Variants in RANBP3 observed in about 807,000 individuals in gnomAD.
The protein encoded by RANBP3 is RAN binding protein 3.
RANBP3 carries 14 observed loss-of-function variants against 77.3 expected under a neutral mutation model. That is an observed-to-expected ratio of 0.18 (90% CI 0.12 to 0.28). The LOEUF (loss-of-function observed/expected upper bound fraction) is 0.28, where lower values mean the gene tolerates loss of function less well. Ranked by LOEUF, RANBP3 falls within the 10% of genes least tolerant of loss-of-function variation. RANBP3 has a pLI of 1.00. For synonymous variants in RANBP3, 315 were observed against 312.4 expected, an observed-to-expected ratio of 1.01 and a Z score of -0.09; for missense variants, 586 against 752.3, an observed-to-expected ratio of 0.78 and a Z score of 2.59.
chr19:5,917,265 G>A lies in RANBP3; in HGVS notation c.*345C>T, dbSNP rs1779862883. The A allele has an allele frequency of 2.7e-6, 1 of 376,236 alleles. No homozygotes were observed. Among genetic ancestry groups the A allele is most frequent in the Non-Finnish European group, 4.9e-6 (1 of 202,662 alleles). The allele number at this position is 376,236 out of a possible 1,614,324, so 23.3% of individuals were successfully genotyped here. A position where few individuals can be genotyped will look rare whatever the true frequency, so the allele number is the denominator to read the frequency against. On this transcript the variant is annotated 3_prime_UTR_variant, in exon 17 of 17. Transcript: ENST00000340578. Reference sequence around the variant, plus strand: ...GGTGGCGGAGAAGCCAGGGGCTCTGGCTGGACCCAGAGGCTGGCGACACGC... The same window carrying A: ...GGTGGCGGAGAAGCCAGGGGCTCTGACTGGACCCAGAGGCTGGCGACACGC...
chr19:5,943,152 C>T (rs531400203), intron 3 of RANBP3, among the ~76,000 whole-genome samples: 12 of 152,312 alleles, frequency 7.9e-5, no homozygotes, highest in African/African-American at 2.2e-4. Context: ...CTCCTCCTGG[C>T]GCGCTCCCTG....
At chr19:5,949,230 A>G (rs1361825821) in intron 3 of RANBP3, among the ~76,000 whole-genome samples, 1 of 152,250 alleles carries the variant, frequency 6.6e-6, no homozygotes, top group Non-Finnish European at 1.5e-5. Flanking sequence ...CTTCTGATGC[A>G]AACGAAAACG....
At chr19:5,970,998 G>C (rs2058523611) in intron 1 of RANBP3, among the ~76,000 whole-genome samples, 1 of 152,170 alleles carries the variant, frequency 6.6e-6, no homozygotes, top group Non-Finnish European at 1.5e-5. Context: ...TGGCAAGGCA[G>C]CGGAGAAACC....
Position 5,925,014 on chromosome 19 carries a change from C to T in RANBP3, c.918-109G>A. 1.2e-5 allele frequency: 12 copies of T among 976,194 alleles called. No homozygotes were observed. The South Asian group carries it at 1.6e-4, about 13-fold the overall frequency. 60.5% of individuals were successfully genotyped at this position (976,194 alleles called of 1,614,324 possible). ...TGACACAGAGGGCACAGTGGAGGGG[C>T]CTCCGCCACTGTGCACGGGGTGGCG... On this transcript the variant is annotated intron_variant, in intron 10 of 16. Coordinates refer to ENST00000340578, the MANE Select transcript of RANBP3 (RefSeq NM_007322.3).
In RANBP3 at chr19:5,963,625, A is replaced by G. The variant is rs113862973; in HGVS notation, c.23-5652T>C. On this transcript the variant is annotated intron_variant, in intron 1 of 16. Transcript: ENST00000340578. ...GTTATTTGACTAGGGAGTCCCCCCC[A>G]TTTCCAGGGACATCCACAATGAGGC... Among the ~76,000 whole-genome samples the G allele has an allele frequency of 2.0e-3, 311 of 152,286 alleles. 2 individuals are homozygous for G. The highest frequency in any genetic ancestry group is 7.1e-3 in the African/African-American group (296 of 41,558).
intron 2 of RANBP3, 113 bp from the exon 3 acceptor site, chr19:5,951,709 C>A: frequency 1.0e-6 from 1 of 964,920 alleles, no homozygotes; most frequent in South Asian, 1.4e-5. Flanking sequence ...GCAGCTCCTG[C>A]GCCTGGGAGG....
rs776434574 is a variant in RANBP3 at position 5,928,585 on chromosome 19, G to GGT, written c.694-500_694-499dup. ...AAAGCCAATCCAGTCCCGTGTGTGT[G>GGT]GTGTGTGTGTGTGTGTATGTGTGGT... On this transcript the variant is annotated intron_variant, in intron 8 of 16. Transcript: ENST00000340578. 143 of 151,804 alleles carry GGT rather than the reference G, an allele frequency of 9.4e-4. 1 individual carries two copies. In the East Asian group the frequency reaches 0.014, roughly 15 times the overall value. The allele number at this position is 151,804 out of a possible 1,614,324, so 9.4% of individuals were successfully genotyped here.
intron 3 of RANBP3, chr19:5,950,520 G>A (rs1335320139): frequency 6.6e-6 from 1 of 152,370 alleles, no homozygotes; most frequent in Non-Finnish European, 1.5e-5. Context: ...ACTGTTGTGT[G>A]CTAGAAAGAA....
chr19:5,975,185 A>AAT (rs2058575681), intron 1 of RANBP3, among the ~76,000 whole-genome samples: 1 of 152,208 alleles, frequency 6.6e-6, no homozygotes, highest in Non-Finnish European at 1.5e-5. Context: ...AGAAACACAC[A>AAT]ATGACTGATT....
chr19:5,957,276 C>G (rs1222348490), intron 2 of RANBP3, among the ~76,000 whole-genome samples: 3 of 152,206 alleles, frequency 2.0e-5, no homozygotes, highest in Non-Finnish European at 4.4e-5. Flanking sequence ...TATCACAGAA[C>G]CCTGTTGCCA....
intron 3 of RANBP3, among the ~76,000 whole-genome samples, chr19:5,943,822 T>C (rs1252936477): frequency 2.0e-5 from 3 of 152,236 alleles, no homozygotes; most frequent in Non-Finnish European, 4.4e-5. Flanking sequence ...CAGTGGGTTC[T>C]ATTAGTCACT....
chr19:5,977,677 G>A (rs2058612098), intron 1 of RANBP3, among the ~76,000 whole-genome samples: 1 of 152,200 alleles, frequency 6.6e-6, no homozygotes, highest in South Asian at 2.1e-4. Flanking sequence ...GGGCGGGGAG[G>A]GAGCGTGGCG....
rs147453114 is a variant in RANBP3 at position 5,927,459 on chromosome 19, G to A, written c.813+509C>T. 2.0e-5 allele frequency among the ~76,000 whole-genome samples: 3 copies of A among 152,368 alleles called. No individual in the cohort carries two copies. The East Asian group carries it at 5.8e-4, about 29-fold the overall frequency. On this transcript the variant is annotated intron_variant, in intron 9 of 16. Transcript: ENST00000340578. The stretch of plus-strand genomic sequence containing the variant: ...ACTGGCCACGTCTGGGGACATTTGT[G>A]GTTGTCAGATGTCAGGAGCATTGGG...
intron 3 of RANBP3, among the ~76,000 whole-genome samples, chr19:5,947,325 A>AG (rs917873798): frequency 2.6e-5 from 4 of 151,530 alleles, no homozygotes; most frequent in Non-Finnish European, 5.9e-5. Context: ...AAAAAAAAAA[A>AG]AAAGAAAGAA....
intron 3 of RANBP3, among the ~76,000 whole-genome samples, chr19:5,949,187 A>G (rs575795431): frequency 5.3e-5 from 8 of 152,200 alleles, no homozygotes; most frequent in Non-Finnish European, 1.2e-4. Flanking sequence ...GGTTTCCTGA[A>G]CACCAGTGTG....
intron 8 of RANBP3, among the ~76,000 whole-genome samples, chr19:5,930,568 T>A (rs1342448565): frequency 6.6e-6 from 1 of 152,170 alleles, no homozygotes; most frequent in Admixed American, 6.5e-5. Flanking sequence ...CCCGCTTAAA[T>A]GGAACTATTT....
At chr19:5,918,434 C>A in intron 15 of RANBP3, 62 bp downstream of exon 15, 2 of 1,295,898 alleles carry the variant, frequency 1.5e-6, no homozygotes, top group Non-Finnish European at 2.0e-6. Flanking sequence ...TCTGTGTGCC[C>A]AGGAACCCCC....
intron 1 of RANBP3, among the ~76,000 whole-genome samples, chr19:5,968,726 T>C (rs888039699): frequency 2.6e-5 from 4 of 152,038 alleles, no homozygotes; most frequent in African/African-American, 9.7e-5. Context: ...AGGAAACAGG[T>C]GGGATCTGAA....
intron 8 of RANBP3, 46 bp from the exon 9 acceptor site, chr19:5,928,133 A>G (rs1459250929): frequency 1.9e-6 from 3 of 1,588,718 alleles, no homozygotes; most frequent in Admixed American, 1.8e-5. Flanking sequence ...CCAGTGCCAC[A>G]CTTGGCCCAG....
Sources: allele counts gnomAD v4.1 joint callset (sites outside exome capture counted in the v4.1 genomes callset), GRCh38; gene constraint gnomAD v4.1.1; transcripts MANE v1.5; gene names NCBI Gene and HGNC (gene_info 2026-07-23, HGNC 2026-07-21).